The following TTC29 variants were observed in gnomAD, a reference collection of about 807,000 sequenced individuals.
TTC29 encodes the protein tetratricopeptide repeat protein 29.
TTC29 carries 49 observed loss-of-function variants against 58.1 expected under a neutral mutation model. The ratio of observed to expected loss-of-function variants is 0.84; its 90% CI spans 0.67 to 1.07. TTC29 has a LOEUF of 1.07. Ranked by LOEUF, TTC29 falls within the 50% of genes least tolerant of loss-of-function variation. The probability of loss-of-function intolerance (pLI) is 0.00; values close to 1 mark genes in which losing one functional copy is unlikely to be tolerated. For missense variants in TTC29, 582 were observed against 555.6 expected, an observed-to-expected ratio of 1.05 and a Z score of -0.48; for synonymous variants, 209 against 196.8, an observed-to-expected ratio of 1.06 and a Z score of -0.52.
chr4:146,935,613 C>A (rs1216724023), intron 4 of TTC29, among the ~76,000 whole-genome samples: 1 of 152,244 alleles, frequency 6.6e-6, no homozygotes, highest in East Asian at 1.9e-4. Flanking sequence ...GACCTCTAGG[C>A]TGCACCTCAC....
intron 10 of TTC29, among the ~76,000 whole-genome samples, chr4:146,807,857 GA>G (rs756078629): frequency 2.0e-5 from 3 of 151,948 alleles, no homozygotes; most frequent in Non-Finnish European, 4.4e-5. Context: ...CCAAACAACA[GA>G]AAAAGAGGGA....
intron 4 of TTC29, among the ~76,000 whole-genome samples, chr4:146,928,289 T>A (rs763390038): frequency 6.6e-6 from 1 of 152,172 alleles, no homozygotes; most frequent in Non-Finnish European, 1.5e-5. Flanking sequence ...TGTGTGTCCT[T>A]GGGAAAGTTA....
At chr4:146,824,690 T>C (rs758039760) in intron 9 of TTC29, among the ~76,000 whole-genome samples, 3 of 152,176 alleles carry the variant, frequency 2.0e-5, no homozygotes, top group Non-Finnish European at 2.9e-5. Flanking sequence ...TCAGTTCCTC[T>C]TCATATATCT....
intron 5 of TTC29, among the ~76,000 whole-genome samples, chr4:146,907,893 T>A (rs1176067486): frequency 2.0e-5 from 3 of 152,026 alleles, no homozygotes; most frequent in Non-Finnish European, 4.4e-5. Flanking sequence ...CACCAAAATA[T>A]TTTTTTTCAC....
chr4:146,912,792 G>T (rs1447124445), intron 4 of TTC29, among the ~76,000 whole-genome samples: 1 of 152,084 alleles, frequency 6.6e-6, no homozygotes, highest in Non-Finnish European at 1.5e-5. Context: ...AGAGGTGCTG[G>T]GGGTGGAACC....
At chr4:146,927,312 G>A (rs1231001084) in intron 4 of TTC29, among the ~76,000 whole-genome samples, 2 of 152,030 alleles carry the variant, frequency 1.3e-5, no homozygotes, top group African/African-American at 4.8e-5. Context: ...CTTCCCCAAA[G>A]TCAACCATTT....
At chr4:146,807,069 T>A (rs1403719187) in intron 10 of TTC29, among the ~76,000 whole-genome samples, 1 of 152,094 alleles carries the variant, frequency 6.6e-6, no homozygotes, top group Non-Finnish European at 1.5e-5. Context: ...AAATTAGAAC[T>A]CAGGATTAAG....
intron 11 of TTC29, among the ~76,000 whole-genome samples, chr4:146,709,424 TCTTC>T (rs2149988134): frequency 6.6e-6 from 1 of 152,152 alleles, no homozygotes; most frequent in East Asian, 1.9e-4. Context: ...TTCTGTCTCT[TCTTC>T]CTTCCTTATA....
intron 4 of TTC29, 90 bp downstream of exon 4, chr4:146,937,504 T>A (rs1419820884): frequency 1.2e-6 from 1 of 835,116 alleles, no homozygotes; most frequent in African/African-American, 1.8e-5. Flanking sequence ...AATGAAAAAG[T>A]ATATTACACA....
At chr4:146,773,103 C>T (rs1343902471) in intron 11 of TTC29, among the ~76,000 whole-genome samples, 21 of 152,050 alleles carry the variant, frequency 1.4e-4, no homozygotes, top group Admixed American at 1.3e-3. Flanking sequence ...TTGTTTATCA[C>T]ATCAAGGAGC....
At chr4:146,929,472 A>C (rs1735163939) in intron 4 of TTC29, among the ~76,000 whole-genome samples, 1 of 152,168 alleles carries the variant, frequency 6.6e-6, no homozygotes, top group African/African-American at 2.4e-5. Flanking sequence ...CTAAAGTAGG[A>C]AAAACAGGAT....
intron 6 of TTC29, among the ~76,000 whole-genome samples, chr4:146,888,044 G>A (rs2150243694): frequency 6.6e-6 from 1 of 152,032 alleles, no homozygotes; most frequent in East Asian, 1.9e-4. Flanking sequence ...AAAGGCAATG[G>A]GGAAGTTATT....
chr4:146,828,109 C>T (rs1325499997), intron 9 of TTC29, among the ~76,000 whole-genome samples: 1 of 152,022 alleles, frequency 6.6e-6, no homozygotes, highest in African/African-American at 2.4e-5. Context: ...TCTGTCCTCA[C>T]TTTTTCATAC....
intron 6 of TTC29, among the ~76,000 whole-genome samples, chr4:146,876,693 T>C (rs1731281165): frequency 6.6e-6 from 1 of 152,024 alleles, no homozygotes; most frequent in Non-Finnish European, 1.5e-5. Flanking sequence ...TCCCAGCACT[T>C]TGGGAGGCTG....
intron 10 of TTC29, among the ~76,000 whole-genome samples, chr4:146,817,390 T>A (rs975357209): frequency 6.6e-6 from 1 of 152,176 alleles, no homozygotes; most frequent in Non-Finnish European, 1.5e-5. Context: ...GTGAAGGACC[T>A]CTTCAAGGAG....
chr4:146,827,729 A>G (rs1433899362), intron 9 of TTC29, among the ~76,000 whole-genome samples: 2 of 152,226 alleles, frequency 1.3e-5, no homozygotes, highest in African/African-American at 4.8e-5. Flanking sequence ...TAGGGATTCA[A>G]TAAATGGCAC....
At chr4:146,860,457 T>C (rs926435165) in intron 8 of TTC29, among the ~76,000 whole-genome samples, 1 of 152,128 alleles carries the variant, frequency 6.6e-6, no homozygotes, top group African/African-American at 2.4e-5. Flanking sequence ...CTCCTCCTTA[T>C]ATGTGGGGAA....
chr4:146,753,128 G>C (rs987619857), intron 11 of TTC29, among the ~76,000 whole-genome samples: 1 of 152,068 alleles, frequency 6.6e-6, no homozygotes, highest in Non-Finnish European at 1.5e-5. Flanking sequence ...TACAGAATGG[G>C]AGAAAATTTT....
At chr4:146,902,451 TA>T (rs1377803383) in intron 6 of TTC29, among the ~76,000 whole-genome samples, 4 of 152,156 alleles carry the variant, frequency 2.6e-5, no homozygotes, top group Non-Finnish European at 4.4e-5. Flanking sequence ...AAATAAAAGT[TA>T]AAAAAATAAT....
Sources: allele counts gnomAD v4.1 joint callset (sites outside exome capture counted in the v4.1 genomes callset), GRCh38; gene constraint gnomAD v4.1.1; transcripts MANE v1.5; gene names NCBI Gene and HGNC (gene_info 2026-07-23, HGNC 2026-07-21).